The following CACNA2D1 variants were observed in gnomAD, a reference collection of about 807,000 sequenced individuals.
The protein encoded by CACNA2D1 is voltage-dependent calcium channel subunit alpha-2/delta-1.
CACNA2D1 carries 53 observed loss-of-function variants against 171.5 expected under a neutral mutation model. The ratio of observed to expected loss-of-function variants is 0.31; its 90% confidence interval spans 0.25 to 0.39. The LOEUF is 0.39. Ranked by LOEUF, CACNA2D1 falls within the 10% of genes least tolerant of loss-of-function variation. The pLI, the probability that CACNA2D1 is intolerant of heterozygous loss-of-function variation, is 1.00. For synonymous variants in CACNA2D1, 442 were observed against 443.1 expected, an observed-to-expected ratio of 1.00 and a Z score of 0.03; for missense variants, 903 against 1,299.8, an observed-to-expected ratio of 0.69 and a Z score of 4.69.
intron 7 of CACNA2D1, among the ~76,000 whole-genome samples, chr7:82,067,985 C>G (rs1807864583): frequency 6.6e-6 from 1 of 152,160 alleles, no homozygotes; most frequent in Non-Finnish European, 1.5e-5. Context: ...TTTCCTTTAT[C>G]AGATGGCACA....
At chr7:82,120,619 G>A (rs1584819711) in intron 5 of CACNA2D1, among the ~76,000 whole-genome samples, 1 of 152,152 alleles carries the variant, frequency 6.6e-6, no homozygotes, top group Non-Finnish European at 1.5e-5. Context: ...GCTCACACTT[G>A]TAATTCTGGC....
rs577561173 is a variant in CACNA2D1, at chr7:82,283,329, C to T, written c.294+51806G>A. On this transcript the variant is annotated intron_variant, in intron 3 of 38. Transcript: ENST00000356860. The stretch of plus-strand genomic sequence containing the variant: ...AACATTAGAAGAAGACAACTCAATG[C>T]TTATTATATGCAAGGCTGGGCAGGT... Among the ~76,000 whole-genome samples the T allele has an allele frequency of 5.3e-5, 8 of 152,236 alleles. No individual in the cohort carries two copies. In the East Asian group the frequency reaches 1.4e-3, roughly 26 times the overall value.
Position 82,170,545 on chromosome 7 carries a change from C to A in CACNA2D1, c.354+5G>T. ...TTAAATCAAGTAGTTAAAAGGGGTTCTTACTGCAAAATCTTCTCTCCACTG... is the reference window on the plus strand; with the variant it reads ...TTAAATCAAGTAGTTAAAAGGGGTTATTACTGCAAAATCTTCTCTCCACTG... On this transcript the variant is annotated splice_donor_5th_base_variant and intron_variant, in intron 4 of 38. Coordinates refer to ENST00000356860, the MANE Select transcript of CACNA2D1 (RefSeq NM_000722.4). 1.9e-6 allele frequency: 3 copies of A among 1,610,440 alleles called. No homozygotes were observed. Among genetic ancestry groups the A allele is most frequent in the Non-Finnish European group, 2.5e-6 (3 of 1,177,104 alleles).
At chr7:81,981,376 A>G (rs913722899) in intron 24 of CACNA2D1, among the ~76,000 whole-genome samples, 4 of 152,186 alleles carry the variant, frequency 2.6e-5, no homozygotes, top group Non-Finnish European at 5.9e-5. Flanking sequence ...ACACTAAAGG[A>G]AATTCAAGCA....
intron 3 of CACNA2D1, among the ~76,000 whole-genome samples, chr7:82,270,470 T>C (rs1330803103): frequency 6.6e-6 from 1 of 152,172 alleles, no homozygotes; most frequent in Non-Finnish European, 1.5e-5. Flanking sequence ...TGTATACACC[T>C]CGGTTTATTT....
intron 4 of CACNA2D1, among the ~76,000 whole-genome samples, chr7:82,146,290 T>C (rs985082719): frequency 6.7e-6 from 1 of 149,822 alleles, no homozygotes; most frequent in African/African-American, 2.4e-5. Context: ...GAACTGCTCA[T>C]TTCTTCTACA....
At chr7:82,179,913 A>G (rs1163472030) in intron 3 of CACNA2D1, among the ~76,000 whole-genome samples, 1 of 131,468 alleles carries the variant, frequency 7.6e-6, no homozygotes, top group Non-Finnish European at 1.6e-5. Flanking sequence ...AAAATATTAC[A>G]TACACCTGAG....
chr7:82,266,493 A>C (rs1807869338), intron 3 of CACNA2D1, among the ~76,000 whole-genome samples: 1 of 152,012 alleles, frequency 6.6e-6, no homozygotes, highest in African/African-American at 2.4e-5. Flanking sequence ...GCTTCCTAAC[A>C]GAAGTCTACT....
chr7:81,970,487 G>T (rs527611387), intron 27 of CACNA2D1, among the ~76,000 whole-genome samples, 188 bp downstream of exon 27: 2 of 151,478 alleles, frequency 1.3e-5, no homozygotes, highest in Non-Finnish European at 3.0e-5. Flanking sequence ...CATCATTGAA[G>T]AATTTTATAA....
intron 3 of CACNA2D1, among the ~76,000 whole-genome samples, chr7:82,212,927 G>T (rs1229308448): frequency 1.3e-5 from 2 of 151,092 alleles, no homozygotes; most frequent in African/African-American, 4.9e-5. Flanking sequence ...CTGAGATGGA[G>T]TCTCACTCTG....
intron 1 of CACNA2D1, among the ~76,000 whole-genome samples, chr7:82,435,986 A>C (rs1412379829): frequency 6.6e-6 from 1 of 152,194 alleles, no homozygotes; most frequent in Non-Finnish European, 1.5e-5. Flanking sequence ...ATGCCCCTTC[A>C]GTATGCAATG....
At chr7:82,251,395 TG>T (rs1321395131) in intron 3 of CACNA2D1, among the ~76,000 whole-genome samples, 3 of 152,210 alleles carry the variant, frequency 2.0e-5, no homozygotes, top group African/African-American at 7.2e-5. Flanking sequence ...TGTTATACAT[TG>T]CTGTAGGCTT....
intron 2 of CACNA2D1, among the ~76,000 whole-genome samples, chr7:82,341,828 A>G (rs1585571715): frequency 6.6e-6 from 1 of 151,904 alleles, no homozygotes; most frequent in African/African-American, 2.4e-5. Context: ...TGGGCGGATC[A>G]CGAGGTCAGG....
At chr7:82,130,186 A>G (rs1790781683) in intron 5 of CACNA2D1, among the ~76,000 whole-genome samples, 1 of 152,208 alleles carries the variant, frequency 6.6e-6, no homozygotes, top group Admixed American at 6.5e-5. Flanking sequence ...ATATTGTAAG[A>G]GTTACATCAG....
At chr7:82,410,634 G>T in intron 1 of CACNA2D1, 1 of 424,470 alleles carries the variant, frequency 2.4e-6, no homozygotes, top group Non-Finnish European at 3.2e-6. Context: ...AGGCGAGTCT[G>T]ACTGAGCAGG....
At chr7:82,098,105 G>C (rs1022999210) in intron 6 of CACNA2D1, among the ~76,000 whole-genome samples, 1 of 152,040 alleles carries the variant, frequency 6.6e-6, no homozygotes, top group African/African-American at 2.4e-5. Flanking sequence ...TCTCCAGCCT[G>C]GGTGACAGAG....
At chr7:82,209,885 A>G (rs938355337) in intron 3 of CACNA2D1, among the ~76,000 whole-genome samples, 9 of 152,184 alleles carry the variant, frequency 5.9e-5, no homozygotes, top group South Asian at 2.1e-4. Context: ...CCACATTTAT[A>G]ACACAACCTA....
chr7:82,188,543 A>G (rs1797990337), intron 3 of CACNA2D1, among the ~76,000 whole-genome samples: 2 of 152,122 alleles, frequency 1.3e-5, no homozygotes, highest in South Asian at 4.1e-4. Context: ...AAGAAAGTTA[A>G]GTTTTATGCT....
intron 3 of CACNA2D1, among the ~76,000 whole-genome samples, chr7:82,238,687 T>C (rs1238181165): frequency 6.6e-6 from 1 of 152,020 alleles, no homozygotes; most frequent in East Asian, 1.9e-4. Flanking sequence ...ATCTATGAGG[T>C]TTTTTGAGAA....
Sources: allele counts gnomAD v4.1 joint callset (sites outside exome capture counted in the v4.1 genomes callset), GRCh38; gene constraint gnomAD v4.1.1; transcripts MANE v1.5; gene names NCBI Gene and HGNC (gene_info 2026-07-23, HGNC 2026-07-21).